The following C16orf96 variants were observed in gnomAD, a reference collection of about 807,000 sequenced individuals.
C16orf96 encodes the protein chromosome 16 open reading frame 96.
A neutral mutation model predicts 103.6 loss-of-function variants in C16orf96; 108 were observed. The ratio of observed to expected loss-of-function variants is 1.04; its 90% CI spans 0.89 to 1.22. The LOEUF (loss-of-function observed/expected upper bound fraction) is 1.22. Among genes scored for constraint, C16orf96 ranks in the 50% most tolerant of loss-of-function variants. The probability of loss-of-function intolerance (pLI) is 0.00; values close to 1 mark genes in which losing one functional copy is unlikely to be tolerated. For synonymous variants in C16orf96, 566 were observed against 593.5 expected, an observed-to-expected ratio of 0.95 and a Z score of 0.67; for missense variants, 1,586 against 1,464.2, an observed-to-expected ratio of 1.08 and a Z score of -1.36.
chr16:4,583,061 G>A (rs1431227617), intron 7 of C16orf96, among the ~76,000 whole-genome samples: 2 of 151,858 alleles, frequency 1.3e-5, no homozygotes, highest in African/African-American at 2.4e-5. Flanking sequence ...CATGATGAAA[G>A]CCGATCGCTA....
chr16:4,583,453 C>T (rs902251149), intron 7 of C16orf96, among the ~76,000 whole-genome samples: 10 of 152,142 alleles, frequency 6.6e-5, no homozygotes, highest in African/African-American at 2.4e-4. Flanking sequence ...TTGCAGTGAG[C>T]TGAGGTCATG....
At chr16:4,564,370 G>T (rs538811563) in intron 1 of C16orf96, among the ~76,000 whole-genome samples, 1 of 152,142 alleles carries the variant, frequency 6.6e-6, no homozygotes, top group Non-Finnish European at 1.5e-5. Flanking sequence ...GGTCCAGGAA[G>T]TCCCCGGGAG....
chr16:4,566,114 C>T (rs771307094), intron 1 of C16orf96, among the ~76,000 whole-genome samples: 6 of 152,154 alleles, frequency 3.9e-5, no homozygotes, highest in Non-Finnish European at 5.9e-5. Context: ...CGAAAGCAGT[C>T]GGATTACAGA....
the C16orf96 span, among the ~76,000 whole-genome samples, chr16:4,547,689 C>CTTCCTTCCTTCCTTCCTTCCTTCT: frequency 1.8e-4 from 4 of 22,574 alleles, no homozygotes; most frequent in African/African-American, 3.2e-4. Flanking sequence ...TCCTTCCTTC[C>CTTCCTTCCTTCCTTCCTTCCTTCT]TTCTTTCTTT....
upstream of C16orf96, among the ~76,000 whole-genome samples, chr16:4,555,105 A>G (rs1420734775): frequency 6.6e-6 from 1 of 151,544 alleles, no homozygotes; most frequent in Non-Finnish European, 1.5e-5. Context: ...TCCACTAAAA[A>G]TATAAAAATT....
chr16:4,565,787 C>T (rs1401986082), intron 1 of C16orf96, among the ~76,000 whole-genome samples: 1 of 152,210 alleles, frequency 6.6e-6, no homozygotes, highest in Non-Finnish European at 1.5e-5. Context: ...CCACACCCAG[C>T]CTCGTTTCTA....
intron 7 of C16orf96, among the ~76,000 whole-genome samples, chr16:4,580,418 G>A (rs1020163223): frequency 2.7e-5 from 4 of 149,410 alleles, no homozygotes; most frequent in African/African-American, 9.8e-5. Context: ...CATCACATTT[G>A]CTGAATGACT....
At chr16:4,538,819 A>T in the C16orf96 span, 2 of 151,928 alleles carry the variant, frequency 1.3e-5, no homozygotes, top group Non-Finnish European at 2.9e-5. Flanking sequence ...GAGGCCCGGG[A>T]CGTCACGGTG....
the C16orf96 span, among the ~76,000 whole-genome samples, chr16:4,541,519 A>T: frequency 1.3e-5 from 2 of 152,188 alleles, no homozygotes; most frequent in Non-Finnish European, 1.5e-5. Context: ...GGCTGCTGTG[A>T]GCTGGGATTG....
the C16orf96 span, among the ~76,000 whole-genome samples, chr16:4,548,324 C>A: frequency 6.6e-6 from 1 of 152,238 alleles, no homozygotes. Context: ...CTCCTCCTCC[C>A]TGGCACCCAA....
At chr16:4,549,521 G>T in the C16orf96 span, among the ~76,000 whole-genome samples, 1 of 151,184 alleles carries the variant, frequency 6.6e-6, no homozygotes, top group Non-Finnish European at 1.5e-5. Flanking sequence ...TGGGCACAGT[G>T]GCTCACACCC....
the C16orf96 span, among the ~76,000 whole-genome samples, chr16:4,548,375 A>T: frequency 6.6e-6 from 1 of 152,064 alleles, no homozygotes. Context: ...CAAAGCCACC[A>T]CCTCTTATTT....
In C16orf96 at chr16:4,585,475, A is replaced by C. The variant is rs980169438; in HGVS notation, c.2353-1564A>C. Among the ~76,000 whole-genome samples the C allele has an allele frequency of 2.0e-5, 3 of 152,074 alleles. No individual in the cohort carries two copies. The South Asian group carries it at 6.2e-4, about 32-fold the overall frequency. ...CTGCCTCAAAAAATTAAAATAAAAA[A>C]ATTAAAATTAAAATAAAGAGGAGGT... On this transcript the variant is annotated intron_variant, in intron 7 of 15. Transcript: ENST00000444310.
At position 4,576,640 on chromosome 16, in the gene C16orf96, G is replaced by A. The variant is rs1295952893; in HGVS notation, c.2155+5G>A. ...ACCAGCGCTTGAGTTATCTAGGTAG[G>A]CCTGGTCTGGCCCTGGGAAGGGCAC... On this transcript the variant is annotated splice_donor_5th_base_variant and intron_variant, in intron 5 of 15. Transcript: ENST00000444310. The A allele has an allele frequency of 2.6e-6, 4 of 1,545,828 alleles. No individual in the cohort carries two copies. Among genetic ancestry groups the A allele is most frequent in the Non-Finnish European group, 2.6e-6 (3 of 1,144,010 alleles).
intron 12 of C16orf96, among the ~76,000 whole-genome samples, 176 bp from the exon 13 acceptor site, chr16:4,594,175 C>A (rs946951947): frequency 6.6e-6 from 1 of 152,212 alleles, no homozygotes; most frequent in African/African-American, 2.4e-5. Context: ...TTCCTCTGCC[C>A]CACTGTGTGT....
chr16:4,550,834 T>A, the C16orf96 span, among the ~76,000 whole-genome samples: 1 of 152,200 alleles, frequency 6.6e-6, no homozygotes, highest in South Asian at 2.1e-4. Flanking sequence ...CAGGCCAGAT[T>A]TTTTTTTGCA....
intron 6 of C16orf96, among the ~76,000 whole-genome samples, chr16:4,579,418 G>T (rs2059554866): frequency 1.3e-5 from 2 of 151,990 alleles, no homozygotes; most frequent in Non-Finnish European, 2.9e-5. Context: ...TCCAGGTGTG[G>T]TGGTTTGTCC....
At chr16:4,599,056 C>G (rs1275555519) in intron 14 of C16orf96, among the ~76,000 whole-genome samples, 2 of 151,134 alleles carry the variant, frequency 1.3e-5, no homozygotes, top group Non-Finnish European at 2.9e-5. Flanking sequence ...GAGTTCAAGG[C>G]TGCGTGCGCT....
the C16orf96 span, among the ~76,000 whole-genome samples, chr16:4,545,860 A>G: frequency 6.6e-6 from 1 of 151,036 alleles, no homozygotes; most frequent in Non-Finnish European, 1.5e-5. Context: ...TTTTTCTTTC[A>G]TTTTTTTGAG....
Sources: allele counts gnomAD v4.1 joint callset (sites outside exome capture counted in the v4.1 genomes callset), GRCh38; gene constraint gnomAD v4.1.1; transcripts MANE v1.5; gene names NCBI Gene and HGNC (gene_info 2026-07-23, HGNC 2026-07-21).